Variants in REEP2 observed in about 807,000 individuals in gnomAD.
The protein encoded by REEP2 is receptor expression-enhancing protein 2.
Under a neutral mutation model 32.1 loss-of-function variants are expected in REEP2, and 9 were observed. The ratio of observed to expected loss-of-function variants is 0.28; its 90% confidence interval spans 0.17 to 0.49. The LOEUF is 0.49. Ranked by LOEUF, REEP2 falls within the 20% of genes least tolerant of loss-of-function variation. The probability of loss-of-function intolerance (pLI) is 0.99; values close to 1 mark genes in which losing one functional copy is unlikely to be tolerated. For missense variants in REEP2, 236 were observed against 338.0 expected, an observed-to-expected ratio of 0.70 and a Z score of 2.37; for synonymous variants, 128 against 139.1, an observed-to-expected ratio of 0.92 and a Z score of 0.56.
Position 138,444,844 on chromosome 5 carries a change from G to A in REEP2, c.394G>A (p.Ala132Thr). The A allele has an allele frequency of 6.2e-7, 1 of 1,613,454 alleles. No homozygotes were observed. The highest frequency in any genetic ancestry group is 8.5e-7 in the Non-Finnish European group (1 of 1,179,688). ...GKRGLNLAAN[A>T]AVTAAAKGQG... ...GAGGGGCCTGAACCTTGCCGCCAAT[G>A]CTGCAGTCACAGCTGCCGCCAAGGT... The change falls in exon 5 of 8, where the codon GCT (alanine) becomes ACT (threonine). Residue 132 changes from alanine (A) to threonine (T), a missense_variant. Coordinates refer to ENST00000378339, the MANE Select transcript of REEP2 (RefSeq NM_001271803.2).
intron 3 of REEP2, among the ~76,000 whole-genome samples, chr5:138,442,721 C>T (rs538127207): frequency 9.9e-5 from 15 of 151,902 alleles, no homozygotes; most frequent in African/African-American, 3.4e-4. Context: ...ATTAGCCGGG[C>T]GTGGTGGCGG....
rs200228753 is a variant in REEP2 at position 138,445,773 on chromosome 5, G to A, written c.*22G>A. 7.5e-5 allele frequency: 120 copies of A among 1,608,936 alleles called. No homozygotes were observed. The African/African-American group carries it at 1.5e-3, about 20-fold the overall frequency. ...TTGAGCCCCTCCACCCCCGCAGGCT[G>A]CAGAGCAAGGATGAAGCCTCAGGAG... On this transcript the variant is annotated 3_prime_UTR_variant, in exon 8 of 8. Coordinates refer to ENST00000378339, the MANE Select transcript of REEP2 (RefSeq NM_001271803.2).
Position 138,444,416 on chromosome 5 carries a change from T to C in REEP2, c.184T>C (p.Phe62Leu). ...ETLTDIVLSW[F>L]PFYFELKIAF... is the part of the protein sequence containing the mutation. ...CTGCGCTTGCCCCTGTCCCAACAGG[T>C]TCCCCTTCTACTTTGAACTGAAGAT... The change falls in exon 4 of 8, where the codon TTC becomes CTC. Residue 62 changes from phenylalanine to leucine, a missense_variant and splice_region_variant. Transcript: ENST00000378339. 1 of 1,613,674 alleles carries C rather than the reference T, an allele frequency of 6.2e-7. No individual in the cohort carries two copies. The highest frequency in any genetic ancestry group is 8.5e-7 in the Non-Finnish European group (1 of 1,179,888).
chr5:138,439,163 C>A lies in REEP2; in HGVS notation c.-46C>A. ...GCCGCTCGGCCTCAGGCAGCTGCAT[C>A]CTCGGCCGGGCCGGGTCCCCGCCCC... On this transcript the variant is annotated 5_prime_UTR_variant, in exon 1 of 8. Coordinates refer to ENST00000378339, the MANE Select transcript of REEP2 (RefSeq NM_001271803.2). The A allele has an allele frequency of 7.6e-7, 1 of 1,315,468 alleles. No individual in the cohort carries two copies. Among genetic ancestry groups the A allele is most frequent in the South Asian group, 2.4e-5 (1 of 41,098 alleles). The allele number at this position is 1,315,468 out of a possible 1,614,324, so 81.5% of individuals were successfully genotyped here.
rs1763819258 is a variant in REEP2, at chr5:138,441,292, A to G, written c.106-93A>G. The G allele has an allele frequency of 3.7e-6, 5 of 1,344,636 alleles. No homozygotes were observed. In the Admixed American group the frequency reaches 8.4e-5, roughly 23 times the overall value. 83.3% of individuals were successfully genotyped at this position (1,344,636 alleles called of 1,614,324 possible). ...AAGTGGGGTCCTTGGTGTTCTCCCC[A>G]GCCCAGGCATGTTCAACAGGCAGAG... On this transcript the variant is annotated intron_variant, in intron 2 of 7. Transcript: ENST00000378339. This position sits in a 1 kb window ranked among gnomAD's most constrained non-coding sequence, Gnocchi z 4.4.
chr5:138,444,997 C>T (rs1232081821), intron 5 of REEP2, 130 bp downstream of exon 5: 1 of 771,238 alleles, frequency 1.3e-6, no homozygotes, highest in Non-Finnish European at 2.1e-6. Flanking sequence ...AGGCTCCAGT[C>T]CAGGCTCTAC....
In REEP2 at chr5:138,444,946, C is replaced by T. The variant is rs1328457317; in HGVS notation, c.417+79C>T. 4.8e-6 allele frequency: 5 copies of T among 1,044,498 alleles called. No homozygotes were observed. The East Asian group carries it at 1.0e-4, about 22-fold the overall frequency. The allele number at this position is 1,044,498 out of a possible 1,614,324, so 64.7% of individuals were successfully genotyped here. ...CTGGCCAGGCCCCTTTGCATCCACC[C>T]TGTACTCGGGGCTGTAGAGACTCTG... On this transcript the variant is annotated intron_variant, in intron 5 of 7. Transcript: ENST00000378339.
intron 5 of REEP2, 139 bp from the exon 6 acceptor site, chr5:138,445,089 T>A: frequency 1.9e-6 from 2 of 1,031,314 alleles, no homozygotes; most frequent in Non-Finnish European, 2.8e-6. Flanking sequence ...GCCCCAGCCC[T>A]CAGCTCTGTC....
At chr5:138,440,829 G>A in intron 1 of REEP2, 187 bp from the exon 2 acceptor site, 1 of 1,133,288 alleles carries the variant, frequency 8.8e-7, no homozygotes. Flanking sequence ...GAGCGGGGAG[G>A]GGGCATCACC....
At position 138,441,195 on chromosome 5, in the gene REEP2, ACTAAC is replaced by A. The variant is rs1763817436; in HGVS notation, c.105+108_105+112del. The A allele has an allele frequency of 6.8e-7, 1 of 1,465,172 alleles. No individual in the cohort carries two copies. Among genetic ancestry groups the A allele is most frequent in the African/African-American group, 1.4e-5 (1 of 71,862 alleles). 90.8% of individuals were successfully genotyped at this position (1,465,172 alleles called of 1,614,324 possible). On this transcript the variant is annotated intron_variant, in intron 2 of 7. Coordinates refer to ENST00000378339, the MANE Select transcript of REEP2 (RefSeq NM_001271803.2). The surrounding 1 kb of genome is among the most constrained non-coding windows in gnomAD (Gnocchi z 4.4). The stretch of plus-strand genomic sequence containing the variant: ...TGACTTTGCACCAACACTGTCAGCC[ACTAAC>A]AAGACCCACCAGCAAAGGAGGGCCC...
At chr5:138,439,736 G>A (rs1430739491) in intron 1 of REEP2, 1 of 456,536 alleles carries the variant, frequency 2.2e-6, no homozygotes, top group Non-Finnish European at 4.4e-6. Context: ...ACTGTCAGGA[G>A]ACTGGGGACG....
chr5:138,440,798 C>A, intron 1 of REEP2: 3 of 866,736 alleles, frequency 3.5e-6, no homozygotes, highest in Non-Finnish European at 5.2e-6. Context: ...GCCTCCGGGG[C>A]TAGAGAAAAA....
At chr5:138,445,193 C>G in intron 5 of REEP2, 35 bp from the exon 6 acceptor site, 1 of 1,549,706 alleles carries the variant, frequency 6.5e-7, no homozygotes, top group Non-Finnish European at 8.7e-7. Flanking sequence ...CCGCCCCTTC[C>G]CCCCGGCTCT....
chr5:138,443,607 T>C (rs977330378), intron 3 of REEP2: 6 of 151,420 alleles, frequency 4.0e-5, no homozygotes, highest in Admixed American at 6.6e-5. Context: ...AGTGGTGTGA[T>C]CTCGGCTCAC....
At position 138,444,303 on chromosome 5, in the gene REEP2, G is replaced by A. The variant is rs1391364412; in HGVS notation, c.183-112G>A. On this transcript the variant is annotated intron_variant, in intron 3 of 7. Coordinates refer to ENST00000378339, the MANE Select transcript of REEP2 (RefSeq NM_001271803.2). ...TCCCATGAGCCCCATGGGGACCCCA[G>A]TGCACTAAGAGTGAGGGGCTGTGCA... is the stretch of plus-strand genomic sequence containing the variant. The A allele has an allele frequency of 7.6e-6, 10 of 1,322,912 alleles. No individual in the cohort carries two copies. The East Asian group carries it at 2.3e-4, about 31-fold the overall frequency. The allele number at this position is 1,322,912 out of a possible 1,614,324, so 81.9% of individuals were successfully genotyped here.
In REEP2 at chr5:138,444,876, G is replaced by T; in HGVS notation, c.417+9G>T. The T allele has an allele frequency of 6.2e-7, 1 of 1,603,918 alleles. No individual in the cohort carries two copies. The highest frequency in any genetic ancestry group is 1.1e-5 in the South Asian group (1 of 89,970). On this transcript the variant is annotated intron_variant, in intron 5 of 7. Coordinates refer to ENST00000378339, the MANE Select transcript of REEP2 (RefSeq NM_001271803.2). ...TCACAGCTGCCGCCAAGGTGAGATGGGGGCAGGCTCAGACTCCCAGGGCCC... is the reference window on the plus strand; with the variant it reads ...TCACAGCTGCCGCCAAGGTGAGATGTGGGCAGGCTCAGACTCCCAGGGCCC...
In REEP2 at chr5:138,440,923, T is replaced by C; in HGVS notation, c.33-93T>C. The C allele has an allele frequency of 1.9e-6, 3 of 1,594,634 alleles. No individual in the cohort carries two copies. The South Asian group carries it at 3.3e-5, about 18-fold the overall frequency. ...AGTCCAGCGGGGAGTTCTGTCTCTC[T>C]TCCCATTACTTACCCAGGGGCTGAT... On this transcript the variant is annotated intron_variant, in intron 1 of 7. Coordinates refer to ENST00000378339, the MANE Select transcript of REEP2 (RefSeq NM_001271803.2).
At position 138,441,486 on chromosome 5, in the gene REEP2, A is replaced by G; in HGVS notation, c.182+25A>G. 1 of 1,603,016 alleles carries G rather than the reference A, an allele frequency of 6.2e-7. No individual in the cohort carries two copies. The highest frequency in any genetic ancestry group is 8.5e-7 in the Non-Finnish European group (1 of 1,169,852). On this transcript the variant is annotated intron_variant, in intron 3 of 7. Coordinates refer to ENST00000378339, the MANE Select transcript of REEP2 (RefSeq NM_001271803.2). This position sits in a 1 kb window ranked among gnomAD's most constrained non-coding sequence, Gnocchi z 4.4. ...GGTGAGGTCCAGCGTCCCCTCCTGT[A>G]TCTCAGGGCCCAGGGCCTCTGCCTT...
chr5:138,446,066 T>G lies in REEP2; in HGVS notation c.*315T>G. On this transcript the variant is annotated 3_prime_UTR_variant, in exon 8 of 8. Transcript: ENST00000378339. ...GCCCTGCCCCACCCACCCAGTGCCT[T>G]GCTGAAGCCCATAGCAATCCGCTTC... 1 of 387,908 alleles carries G rather than the reference T, an allele frequency of 2.6e-6. No homozygotes were observed. Among genetic ancestry groups the G allele is most frequent in the Non-Finnish European group, 4.7e-6 (1 of 214,442 alleles). 24.0% of individuals were successfully genotyped at this position (387,908 alleles called of 1,614,324 possible). A position where few individuals can be genotyped will look rare whatever the true frequency, so the allele number is the denominator to read the frequency against.
Sources: allele counts gnomAD v4.1 joint callset (sites outside exome capture counted in the v4.1 genomes callset), GRCh38; gene constraint gnomAD v4.1.1; non-coding constraint Gnocchi (gnomAD v3.1); transcripts MANE v1.5; gene names NCBI Gene and HGNC (gene_info 2026-07-23, HGNC 2026-07-21).